The following SMAD5 variants were observed in gnomAD, a reference collection of about 807,000 sequenced individuals.
SMAD5 encodes SMAD family member 5, also known as MAD, mothers against decapentaplegic homolog 5.
In SMAD5, 9 loss-of-function variants were observed where a neutral mutation model predicts 43.1. That is an observed-to-expected ratio of 0.21 (90% CI 0.13 to 0.36). The LOEUF (loss-of-function observed/expected upper bound fraction) is 0.36. Ranked by LOEUF, SMAD5 falls within the 10% of genes least tolerant of loss-of-function variation. SMAD5 has a pLI of 1.00. For synonymous variants in SMAD5, 190 were observed against 192.4 expected, an observed-to-expected ratio of 0.99 and a Z score of 0.10; for missense variants, 348 against 574.0, an observed-to-expected ratio of 0.61 and a Z score of 4.02.
At chr5:136,147,359 A>G (rs968806258) in intron 1 of SMAD5, 7 of 151,866 alleles carry the variant, frequency 4.6e-5, no homozygotes, top group African/African-American at 1.7e-4. Flanking sequence ...AAAATGAGCA[A>G]ATTAAGCTGG....
chr5:136,177,041 ATACTG>A (rs1280270991), intron 7 of SMAD5, among the ~76,000 whole-genome samples: 4 of 152,162 alleles, frequency 2.6e-5, no homozygotes, highest in African/African-American at 9.7e-5. Flanking sequence ...TAATTATGAG[ATACTG>A]TACTGTGTTA....
chr5:136,135,501 A>T (rs995265309), intron 1 of SMAD5, among the ~76,000 whole-genome samples: 2 of 152,232 alleles, frequency 1.3e-5, no homozygotes, highest in African/African-American at 4.8e-5. Context: ...AACTTGGTCA[A>T]ATTAAAGATT....
intron 3 of SMAD5, among the ~76,000 whole-genome samples, 168 bp downstream of exon 3, chr5:136,154,331 A>T (rs771886764): frequency 6.6e-6 from 1 of 152,154 alleles, no homozygotes; most frequent in African/African-American, 2.4e-5. Flanking sequence ...AGCTTTTTAT[A>T]TGTAGGTGAT....
At chr5:136,156,555 T>C (rs879665570) in intron 3 of SMAD5, among the ~76,000 whole-genome samples, 2 of 152,202 alleles carry the variant, frequency 1.3e-5, no homozygotes, top group East Asian at 1.9e-4. Flanking sequence ...TGGTATGATA[T>C]GATTCTCAGT....
At chr5:136,175,505 T>G (rs1260189628) in intron 7 of SMAD5, among the ~76,000 whole-genome samples, 1 of 152,210 alleles carries the variant, frequency 6.6e-6, no homozygotes, top group Non-Finnish European at 1.5e-5. Flanking sequence ...AAAGGAACTT[T>G]TCAAGTTTTT....
chr5:136,135,185 T>C (rs995422103), intron 1 of SMAD5, among the ~76,000 whole-genome samples: 1 of 152,232 alleles, frequency 6.6e-6, no homozygotes, highest in African/African-American at 2.4e-5. Flanking sequence ...ATGTTGTTAC[T>C]AATGAGGTTT....
At chr5:136,137,763 G>A (rs1480248512) in intron 1 of SMAD5, among the ~76,000 whole-genome samples, 1 of 152,182 alleles carries the variant, frequency 6.6e-6, no homozygotes, top group Non-Finnish European at 1.5e-5. Flanking sequence ...GGAGATGAAA[G>A]TGTAAATTAA....
Position 136,177,538 on chromosome 5 carries a change from C to CT in SMAD5, c.*61dup, listed in dbSNP as rs1434053747. The CT allele has an allele frequency of 7.5e-7, 1 of 1,328,476 alleles. No individual in the cohort carries two copies. The highest frequency in any genetic ancestry group is 1.3e-5 in the South Asian group (1 of 74,396). The allele number at this position is 1,328,476 out of a possible 1,614,324, so 82.3% of individuals were successfully genotyped here. A position where few individuals can be genotyped will look rare whatever the true frequency, so the allele number is the denominator to read the frequency against. ...TGGACTTGTTTTAATTTTAGAGAAA[C>CT]TTTGAGTACAGATACTGTGAGCTTA... On this transcript the variant is annotated 3_prime_UTR_variant, in exon 8 of 8. Coordinates refer to ENST00000545279, the MANE Select transcript of SMAD5 (RefSeq NM_005903.7).
Position 136,177,550 on chromosome 5 carries a change from A to G in SMAD5, c.*70A>G. The stretch of plus-strand genomic sequence containing the variant: ...AATTTTAGAGAAACTTTGAGTACAG[A>G]TACTGTGAGCTTACATTGAAAACAG... On this transcript the variant is annotated 3_prime_UTR_variant, in exon 8 of 8. Coordinates refer to ENST00000545279, the MANE Select transcript of SMAD5 (RefSeq NM_005903.7). The G allele has an allele frequency of 1.7e-6, 2 of 1,171,276 alleles. No homozygotes were observed. The highest frequency in any genetic ancestry group is 1.5e-5 in the South Asian group (1 of 67,656). The allele number at this position is 1,171,276 out of a possible 1,614,324, so 72.6% of individuals were successfully genotyped here. A position where few individuals can be genotyped will look rare whatever the true frequency, so the allele number is the denominator to read the frequency against.
chr5:136,174,183 C>A (rs4146186), intron 6 of SMAD5, among the ~76,000 whole-genome samples, 193 bp from the exon 7 acceptor site: 53,822 of 151,664 alleles, frequency 0.35, 10,336 homozygotes, highest in African/African-American at 0.52. Flanking sequence ...TTTGAGGCTT[C>A]TCTTGTAGAT....
At chr5:136,150,156 C>CTT (rs557292364) in intron 2 of SMAD5, among the ~76,000 whole-genome samples, 2 of 146,604 alleles carry the variant, frequency 1.4e-5, no homozygotes, top group African/African-American at 5.0e-5. Flanking sequence ...CTGTTGCAAA[C>CTT]TTTTTTTTTT....
At chr5:136,144,660 T>C (rs1753199911) in intron 1 of SMAD5, among the ~76,000 whole-genome samples, 1 of 151,324 alleles carries the variant, frequency 6.6e-6, no homozygotes, top group African/African-American at 2.4e-5. Flanking sequence ...TGGTGTACTT[T>C]AGGATAGGTA....
At chr5:136,135,376 C>T (rs1752838840) in intron 1 of SMAD5, among the ~76,000 whole-genome samples, 2 of 152,204 alleles carry the variant, frequency 1.3e-5, no homozygotes, top group Admixed American at 6.5e-5. Context: ...GGCAGCCTGT[C>T]TGTTTCCTGT....
rs1712122056 is a variant in SMAD5, at chr5:136,182,520, TG to T, written c.*5041del. Reference sequence around the variant, plus strand: ...AGATAATGAAGACCAAGCTAGTGGCTGCACTGTAGGTCTGCTGCTTATTTGT... The same window carrying T: ...AGATAATGAAGACCAAGCTAGTGGCTCACTGTAGGTCTGCTGCTTATTTGT... On this transcript the variant is annotated 3_prime_UTR_variant, in exon 8 of 8. Coordinates refer to ENST00000545279, the MANE Select transcript of SMAD5 (RefSeq NM_005903.7). 6.6e-6 allele frequency: 1 copy of T among 152,670 alleles called. No individual in the cohort carries two copies. The highest frequency in any genetic ancestry group is 2.4e-5 in the African/African-American group (1 of 41,470). 9.5% of individuals were successfully genotyped at this position (152,670 alleles called of 1,614,324 possible).
intron 1 of SMAD5, among the ~76,000 whole-genome samples, chr5:136,137,274 C>CCCCT (rs1468592363): frequency 6.8e-6 from 1 of 148,116 alleles, no homozygotes; most frequent in South Asian, 2.1e-4. Context: ...TTTGGGACCC[C>CCCCT]CCCCCGCATC....
intron 5 of SMAD5, among the ~76,000 whole-genome samples, chr5:136,165,662 A>ATTTTTTTTTTTTT (rs58156387): frequency 4.6e-5 from 3 of 65,450 alleles, no homozygotes; most frequent in Non-Finnish European, 6.0e-5. Flanking sequence ...GAATCATACA[A>ATTTTTTTTTTTTT]TTTTTTTTTT....
Position 136,160,905 on chromosome 5 carries a change from C to T in SMAD5, c.453C>T (p.His151=), listed in dbSNP as rs746110447. Reference sequence around the variant, plus strand: ...GTCATAATGAATTCAATCCACAACACAGCCTTCTGGTTCAGTTTAGGAACC... The same window carrying T: ...GTCATAATGAATTCAATCCACAACATAGCCTTCTGGTTCAGTTTAGGAACC... The part of the protein sequence containing the change: ...VPRHNEFNPQ[H]SLLVQFRNLS... The change falls in exon 4 of 8, where the codon CAC becomes CAT. Residue 151 remains histidine (H), a synonymous_variant. Coordinates refer to ENST00000545279, the MANE Select transcript of SMAD5 (RefSeq NM_005903.7). 8.1e-6 allele frequency: 13 copies of T among 1,613,862 alleles called. No individual in the cohort carries two copies. The highest frequency in any genetic ancestry group is 1.1e-5 in the Non-Finnish European group (13 of 1,179,812).
chr5:136,140,785 T>C (rs1478045941), intron 1 of SMAD5, among the ~76,000 whole-genome samples: 1 of 151,354 alleles, frequency 6.6e-6, no homozygotes, highest in Non-Finnish European at 1.5e-5. Context: ...TTGGCCTCCT[T>C]CTGCTGGAAT....
chr5:136,158,815 C>T (rs901428646), intron 3 of SMAD5, among the ~76,000 whole-genome samples: 4 of 151,946 alleles, frequency 2.6e-5, no homozygotes, highest in African/African-American at 9.7e-5. Context: ...AGGAGAATGG[C>T]GTGAACCCGG....
Sources: allele counts gnomAD v4.1 joint callset (sites outside exome capture counted in the v4.1 genomes callset), GRCh38; gene constraint gnomAD v4.1.1; transcripts MANE v1.5; gene names NCBI Gene and HGNC (gene_info 2026-07-23, HGNC 2026-07-21).